Variants in SLC2A9 observed in about 807,000 individuals in gnomAD.
SLC2A9 encodes the protein solute carrier family 2 member 9.
In SLC2A9, 39 loss-of-function variants were observed where a neutral mutation model predicts 50.6. That is an observed-to-expected ratio of 0.77 (90% CI 0.60 to 1.01). The LOEUF is 1.01. Among genes scored for constraint, SLC2A9 ranks in the 50% least tolerant of loss-of-function variants. The pLI, the probability that SLC2A9 is intolerant of heterozygous loss-of-function variation, is 0.00. For synonymous variants in SLC2A9, 324 were observed against 276.9 expected, an observed-to-expected ratio of 1.17 and a Z score of -1.69; for missense variants, 686 against 677.6, an observed-to-expected ratio of 1.01 and a Z score of -0.14.
intron 5 of SLC2A9, among the ~76,000 whole-genome samples, chr4:9,949,808 T>C (rs1749885756): frequency 6.6e-6 from 1 of 152,202 alleles, no homozygotes; most frequent in Admixed American, 6.5e-5. Flanking sequence ...CTCCAATAGC[T>C]CATGCTATTA....
intron 1 of SLC2A9, chr4:10,019,337 C>A: frequency 3.6e-6 from 2 of 548,164 alleles, no homozygotes; most frequent in South Asian, 2.2e-5. Context: ...ATTCCTGAAA[C>A]GCAGTTTTCA....
At chr4:10,023,282 G>A (rs1763633865), upstream of SLC2A9, among the ~76,000 whole-genome samples, 1 of 152,218 alleles carries the variant, frequency 6.6e-6, no homozygotes, top group Admixed American at 6.5e-5. Flanking sequence ...TGAAGTACAG[G>A]AGATGGGCAG....
intron 6 of SLC2A9, among the ~76,000 whole-genome samples, chr4:9,921,449 T>A (rs1192612364): frequency 6.6e-6 from 1 of 152,238 alleles, no homozygotes; most frequent in Non-Finnish European, 1.5e-5. Context: ...GCTCTGATCT[T>A]TCTTCCTCCC....
intron 1 of SLC2A9, chr4:10,034,261 A>G (rs538126614): frequency 6.6e-6 from 1 of 152,312 alleles, no homozygotes; most frequent in Non-Finnish European, 1.5e-5. Flanking sequence ...CATTCATTAA[A>G]CCCCGTACAT....
chr4:9,904,349 T>C (rs1740234486), intron 8 of SLC2A9, among the ~76,000 whole-genome samples: 1 of 152,202 alleles, frequency 6.6e-6, no homozygotes, highest in Non-Finnish European at 1.5e-5. Flanking sequence ...TTCCTGGGCG[T>C]GTGACCCCTT....
intron 2 of SLC2A9, among the ~76,000 whole-genome samples, chr4:10,012,750 G>A (rs1343697698): frequency 6.6e-6 from 1 of 152,124 alleles, no homozygotes; most frequent in Non-Finnish European, 1.5e-5. Context: ...AGGTTCCAGC[G>A]TGCGGTGTGT....
In SLC2A9 at chr4:9,791,324, T is replaced by G. The variant is rs1577291098; in HGVS notation, n.386-11259A>C. Among the ~76,000 whole-genome samples the G allele has an allele frequency of 3.9e-5, 6 of 152,362 alleles. 1 individual carries two copies. Among genetic ancestry groups the G allele is most frequent in the Admixed American group, 3.9e-4 (6 of 15,308 alleles). On this transcript the variant is annotated intron_variant and non_coding_transcript_variant, in intron 3 of 3. Transcript: ENST00000503803. ...GACAGATATAGAGCTAATCCATGCC[T>G]GTTACACCATTTAATGCTAGGTGTA...
At chr4:9,839,345 C>T (rs552721335) in intron 10 of SLC2A9, among the ~76,000 whole-genome samples, 6 of 152,114 alleles carry the variant, frequency 3.9e-5, no homozygotes, top group Admixed American at 3.3e-4. Context: ...CAGATACTGG[C>T]TGGGTTGTGG....
At chr4:9,913,574 G>A (rs1333927790) in intron 7 of SLC2A9, among the ~76,000 whole-genome samples, 1 of 152,142 alleles carries the variant, frequency 6.6e-6, no homozygotes, top group Non-Finnish European at 1.5e-5. Flanking sequence ...TCTATTTCCT[G>A]TTTCCATTTG....
intron 10 of SLC2A9, among the ~76,000 whole-genome samples, chr4:9,864,218 G>A (rs958295952): frequency 6.6e-6 from 1 of 152,024 alleles, no homozygotes; most frequent in Admixed American, 6.5e-5. Flanking sequence ...GGCTGCCACT[G>A]TCTTAGAAAA....
intron 3 of SLC2A9, among the ~76,000 whole-genome samples, chr4:9,801,403 A>G (rs952482424): frequency 6.6e-6 from 1 of 152,224 alleles, no homozygotes; most frequent in Non-Finnish European, 1.5e-5. Flanking sequence ...GAGGATAATT[A>G]TAACCTCACA....
chr4:9,875,200 G>T (rs1734109963), intron 10 of SLC2A9, among the ~76,000 whole-genome samples: 1 of 141,256 alleles, frequency 7.1e-6, no homozygotes, highest in East Asian at 2.1e-4. Flanking sequence ...GTCTAAGATG[G>T]GATGCTGTGT....
chr4:9,956,502 CA>C (rs1195581213), intron 5 of SLC2A9, among the ~76,000 whole-genome samples: 2 of 151,392 alleles, frequency 1.3e-5, no homozygotes, highest in African/African-American at 4.9e-5. Context: ...AACAAAAAAA[CA>C]AAAAAAAGTA....
At chr4:9,961,042 T>C (rs1029440420) in intron 5 of SLC2A9, among the ~76,000 whole-genome samples, 2 of 152,204 alleles carry the variant, frequency 1.3e-5, no homozygotes, top group African/African-American at 4.8e-5. Flanking sequence ...TTAATATTAT[T>C]GTCCTCATTT....
At chr4:9,915,495 C>G (rs145906615) in intron 7 of SLC2A9, among the ~76,000 whole-genome samples, 72 of 152,320 alleles carry the variant, frequency 4.7e-4, no homozygotes, top group African/African-American at 1.7e-3. Flanking sequence ...CCCAGGCTCC[C>G]AAAGTGCTGG....
intron 8 of SLC2A9, among the ~76,000 whole-genome samples, chr4:9,893,753 C>T (rs977578945): frequency 2.0e-5 from 3 of 151,986 alleles, no homozygotes; most frequent in East Asian, 1.9e-4. Context: ...GAGGGACCCC[C>T]GCAAAGGTAA....
At chr4:9,838,502 C>T (rs1271374729) in intron 10 of SLC2A9, among the ~76,000 whole-genome samples, 3 of 152,052 alleles carry the variant, frequency 2.0e-5, no homozygotes, top group African/African-American at 4.8e-5. Flanking sequence ...CATAAAAAAC[C>T]GTTTTAAAAT....
chr4:9,936,195 G>A (rs1747047484), intron 6 of SLC2A9, among the ~76,000 whole-genome samples: 1 of 152,224 alleles, frequency 6.6e-6, no homozygotes, highest in Non-Finnish European at 1.5e-5. Context: ...AGGTGATCAG[G>A]TCGGGGGTGC....
chr4:9,903,154 G>A (rs1390334441), intron 8 of SLC2A9, among the ~76,000 whole-genome samples: 1 of 152,066 alleles, frequency 6.6e-6, no homozygotes, highest in Non-Finnish European at 1.5e-5. Context: ...CACACGGGCT[G>A]GATCCAGTGT....
Sources: allele counts gnomAD v4.1 joint callset (sites outside exome capture counted in the v4.1 genomes callset), GRCh38; gene constraint gnomAD v4.1.1; transcripts MANE v1.5; gene names NCBI Gene and HGNC (gene_info 2026-07-23, HGNC 2026-07-21).